AUTS2: variants seen among roughly 807,000 people sequenced by gnomAD.
AUTS2 encodes the protein autism susceptibility gene 2 protein.
A neutral mutation model predicts 112.4 loss-of-function variants in AUTS2; 17 were observed. The ratio of observed to expected loss-of-function variants is 0.15; its 90% CI spans 0.10 to 0.23. The LOEUF (loss-of-function observed/expected upper bound fraction) is 0.23, where lower values mean the gene tolerates loss of function less well. AUTS2 is among the 10% of genes least tolerant of loss of function. AUTS2 has a pLI of 1.00. For synonymous variants in AUTS2, 751 were observed against 702.7 expected (o/e 1.07, Z -1.09); for missense variants, 1,510 against 1,701.6 (o/e 0.89, Z 1.98).
intron 5 of AUTS2, chr7:70,436,446 T>G (rs775473846): frequency 4.6e-5 from 7 of 152,238 alleles, no homozygotes; most frequent in Non-Finnish European, 1.0e-4. Flanking sequence ...GGATCACAAC[T>G]CGGTAAAGTG....
At position 69,858,905 on chromosome 7, in the gene AUTS2, A is replaced by G. The variant is rs532050859; in HGVS notation, c.310-40381A>G. Among the ~76,000 whole-genome samples the G allele has an allele frequency of 2.2e-4, 34 of 152,330 alleles. No homozygotes were observed. The South Asian group carries it at 6.8e-3, about 31-fold the overall frequency. On this transcript the variant is annotated intron_variant, in intron 1 of 18. Transcript: ENST00000342771. ...TTGCCCTGACATTGCCTTGTGTAGC[A>G]CTGGATATCATGTAGGTACTAATTA...
chr7:69,969,124 A>T (rs1797746212), intron 2 of AUTS2, among the ~76,000 whole-genome samples: 1 of 152,022 alleles, frequency 6.6e-6, no homozygotes, highest in Non-Finnish European at 1.5e-5. Flanking sequence ...AATTTTGATA[A>T]CTGAAAACTG....
In AUTS2 at chr7:69,915,434, G is replaced by A. The variant is rs540469677; in HGVS notation, c.522+15936G>A. ...TGCAATTTACTGGGAATTACCTGGC[G>A]CATTGGTTTTATGCTTAATATTTAC... On this transcript the variant is annotated intron_variant, in intron 2 of 18. Transcript: ENST00000342771. Among the ~76,000 whole-genome samples, 22 of 152,278 alleles carry A rather than the reference G, an allele frequency of 1.4e-4. 1 individual carries two copies. Among genetic ancestry groups the A allele is most frequent in the Middle Eastern group, 3.4e-3 (1 of 294 alleles).
At chr7:70,020,130 C>G (rs1584588570) in intron 2 of AUTS2, among the ~76,000 whole-genome samples, 1 of 152,338 alleles carries the variant, frequency 6.6e-6, no homozygotes, top group East Asian at 1.9e-4. Context: ...ACACGGTGCA[C>G]ACCTGAGATT....
At chr7:70,659,477 G>C (rs1806951585) in intron 5 of AUTS2, among the ~76,000 whole-genome samples, 1 of 152,164 alleles carries the variant, frequency 6.6e-6, no homozygotes, top group Non-Finnish European at 1.5e-5. Flanking sequence ...TTCCACGGCT[G>C]TGTCACTTCC....
chr7:70,705,244 A>C lies in AUTS2; in HGVS notation c.742+6624A>C, dbSNP rs144729090. Among the ~76,000 whole-genome samples the C allele has an allele frequency of 1.4e-4, 21 of 152,322 alleles. No homozygotes were observed. In the East Asian group the frequency reaches 3.9e-3, roughly 28 times the overall value. On this transcript the variant is annotated intron_variant, in intron 6 of 18. Coordinates refer to ENST00000342771, the MANE Select transcript of AUTS2 (RefSeq NM_015570.4). The stretch of plus-strand genomic sequence containing the variant: ...AACAGAATTTGTCTCAATTACTCAG[A>C]AAGCGCAGTCTCAGGAAGCACCTTT...
intron 4 of AUTS2, among the ~76,000 whole-genome samples, chr7:70,334,038 T>C (rs1790878475): frequency 6.6e-6 from 1 of 152,202 alleles, no homozygotes; most frequent in South Asian, 2.1e-4. Flanking sequence ...CTTTGGATTT[T>C]CTGTACATAG....
chr7:70,586,426 A>G (rs1020297420), intron 5 of AUTS2, among the ~76,000 whole-genome samples: 2 of 152,146 alleles, frequency 1.3e-5, no homozygotes, highest in African/African-American at 4.8e-5. Flanking sequence ...GCAGGCCTTC[A>G]GCCAACAGAG....
intron 6 of AUTS2, among the ~76,000 whole-genome samples, chr7:70,758,866 A>G (rs1414968134): frequency 6.6e-6 from 1 of 151,196 alleles, no homozygotes; most frequent in African/African-American, 2.4e-5. Flanking sequence ...AATAATTGAA[A>G]GGAAGAGGAA....
chr7:70,577,510 G>A (rs1204161963), intron 5 of AUTS2, among the ~76,000 whole-genome samples: 2 of 152,008 alleles, frequency 1.3e-5, no homozygotes, highest in South Asian at 2.1e-4. Flanking sequence ...TAAATCCTTC[G>A]GTGTAGGGAA....
At chr7:69,681,895 T>C (rs986822915) in intron 1 of AUTS2, among the ~76,000 whole-genome samples, 1 of 152,214 alleles carries the variant, frequency 6.6e-6, no homozygotes, top group South Asian at 2.1e-4. Flanking sequence ...ACCTTGGCAA[T>C]TGAGTGCTAT....
intron 1 of AUTS2, among the ~76,000 whole-genome samples, chr7:69,823,114 A>T (rs937351974): frequency 3.3e-5 from 5 of 152,202 alleles, no homozygotes; most frequent in Non-Finnish European, 7.3e-5. Context: ...AGGAAGGCAG[A>T]ACTGTAAAAA....
chr7:70,538,511 C>T (rs1019431696), intron 5 of AUTS2, among the ~76,000 whole-genome samples: 3 of 152,098 alleles, frequency 2.0e-5, no homozygotes, highest in African/African-American at 7.2e-5. Context: ...GCCTGGGCAA[C>T]AGAGCAAGAC....
chr7:70,726,055 G>A (rs776957594), intron 6 of AUTS2, among the ~76,000 whole-genome samples: 49 of 151,642 alleles, frequency 3.2e-4, no homozygotes, highest in Middle Eastern at 7.0e-3. Flanking sequence ...GAGAAGGGAA[G>A]GCTAGAGGGC....
intron 5 of AUTS2, among the ~76,000 whole-genome samples, chr7:70,614,940 C>T (rs879623724): frequency 3.9e-5 from 6 of 152,228 alleles, no homozygotes; most frequent in Admixed American, 1.3e-4. Flanking sequence ...GGATCACACA[C>T]GCATTGTTCT....
intron 1 of AUTS2, among the ~76,000 whole-genome samples, chr7:69,734,777 CT>C (rs1786955368): frequency 6.6e-6 from 1 of 151,984 alleles, no homozygotes; most frequent in African/African-American, 2.4e-5. Context: ...GGATTCATTT[CT>C]GTGCTACAGA....
At chr7:70,781,098 C>A (rs1407248471) in intron 14 of AUTS2, among the ~76,000 whole-genome samples, 1 of 152,088 alleles carries the variant, frequency 6.6e-6, no homozygotes, top group Admixed American at 6.6e-5. Flanking sequence ...CGGTGGCTCA[C>A]ACCTGTAATC....
At chr7:69,633,307 ACACC>A in intron 1 of AUTS2, among the ~76,000 whole-genome samples, 1 of 152,018 alleles carries the variant, frequency 6.6e-6, no homozygotes, top group East Asian at 1.9e-4. Flanking sequence ...ATACACACAC[ACACC>A]CACCCACACA....
At chr7:69,915,778 G>A (rs1795552423) in intron 2 of AUTS2, among the ~76,000 whole-genome samples, 1 of 152,114 alleles carries the variant, frequency 6.6e-6, no homozygotes, top group Admixed American at 6.6e-5. Context: ...CAAGGCTGGT[G>A]TGCAGTGGTG....
Sources: gnomAD v4.1 joint callset for allele counts (sites outside exome capture counted in the v4.1 genomes callset) on GRCh38, gnomAD v4.1.1 for gene constraint, MANE v1.5 for transcripts, NCBI Gene and HGNC (gene_info 2026-07-23, HGNC 2026-07-21) for gene names.